The following ZNF469 variants were observed in gnomAD, a reference collection of about 807,000 sequenced individuals.
ZNF469 encodes zinc finger protein 469.
Under a neutral mutation model 1.0 loss-of-function variants are expected in ZNF469, and 1 was observed. That is an observed-to-expected ratio of 1.00 (90% CI 0.35 to 4.73). The LOEUF (loss-of-function observed/expected upper bound fraction) is 4.73, where lower values mean the gene tolerates loss of function less well. Ranked by LOEUF, ZNF469 falls within the 30% of genes most tolerant of loss-of-function variation. The pLI, the probability that ZNF469 is intolerant of heterozygous loss-of-function variation, is 0.16. For missense variants in ZNF469, 6,100 were observed against 5,356.3 expected, an observed-to-expected ratio of 1.14 and a Z score of -4.33; for synonymous variants, 2,703 against 2,363.4, an observed-to-expected ratio of 1.14 and a Z score of -4.17.
At chr16:88,371,851 A>G in the ZNF469 span, among the ~76,000 whole-genome samples, 1 of 151,986 alleles carries the variant, frequency 6.6e-6, no homozygotes, top group African/African-American at 2.4e-5. Flanking sequence ...CACCATCACC[A>G]TCATCACCAT....
the ZNF469 span, among the ~76,000 whole-genome samples, chr16:88,259,172 C>T: frequency 6.6e-5 from 10 of 152,140 alleles, no homozygotes; most frequent in African/African-American, 1.4e-4. The surrounding 1 kb of genome is among the most constrained non-coding windows in gnomAD (Gnocchi z 4.1). Context: ...GGAATGAGGC[C>T]GTGCGGCCAG....
At chr16:88,121,099 C>T in the ZNF469 span, among the ~76,000 whole-genome samples, 1 of 132,068 alleles carries the variant, frequency 7.6e-6, no homozygotes, top group African/African-American at 2.8e-5. Context: ...TGCTGTGTAC[C>T]ATGCACGGTG....
At chr16:88,105,057 A>G in the ZNF469 span, among the ~76,000 whole-genome samples, 2 of 152,146 alleles carry the variant, frequency 1.3e-5, no homozygotes, top group African/African-American at 2.4e-5. Context: ...CTCTACAAGA[A>G]ACAATTTTAA....
In ZNF469 at chr16:88,393,578, G is replaced by A. The variant is rs556068084; in HGVS notation, c.-192+10324G>A. 2.5e-3 allele frequency among the ~76,000 whole-genome samples: 385 copies of A among 152,348 alleles called. 4 individuals carry two copies. Among genetic ancestry groups the A allele is most frequent in the African/African-American group, 8.7e-3 (360 of 41,588 alleles). ...GGAGCCCATCGAGGAAAGAGCGGGAGTGGGTTCGCCCCAGTGCCGAGCTGC... is the reference window on the plus strand; with the variant it reads ...GGAGCCCATCGAGGAAAGAGCGGGAATGGGTTCGCCCCAGTGCCGAGCTGC... On this transcript the variant is annotated intron_variant, in intron 1 of 2. Transcript: ENST00000565624.
At chr16:88,131,778 C>T in the ZNF469 span, among the ~76,000 whole-genome samples, 2 of 152,220 alleles carry the variant, frequency 1.3e-5, no homozygotes, top group East Asian at 1.9e-4. Flanking sequence ...GGGTCAGGGA[C>T]GGGTTTGGCT....
the ZNF469 span, among the ~76,000 whole-genome samples, chr16:88,277,806 T>C: frequency 3.2e-3 from 80 of 24,914 alleles, 1 homozygote; most frequent in East Asian, 6.3e-3. Flanking sequence ...TAGTGCTGCG[T>C]CACACCGACG....
At chr16:88,117,607 G>GTGGAGGTGCCACGTGCCTTCGGGGACTA in the ZNF469 span, among the ~76,000 whole-genome samples, 5 of 148,816 alleles carry the variant, frequency 3.4e-5, no homozygotes, top group African/African-American at 1.0e-4. Context: ...TTCGGGGACC[G>GTGGAGGTGCCACGTGCCTTCGGGGACTA]TGGAGGTGCC....
In ZNF469 at chr16:88,429,969, C is replaced by T; in HGVS notation, c.2499C>T (p.Asp833=). 1 of 1,550,368 alleles carries T rather than the reference C, an allele frequency of 6.5e-7. No homozygotes were observed. Among genetic ancestry groups the T allele is most frequent in the Non-Finnish European group, 8.7e-7 (1 of 1,146,964 alleles). The change falls in exon 3 of 3, where the codon GAC becomes GAT. Residue 833 remains aspartate, a synonymous_variant. Transcript: ENST00000565624. ...TPFPLPASDL[D]MEDDAKLDSL... is the part of the protein sequence containing the mutation. Reference sequence around the variant, plus strand: ...TCCCGCTCCCTGCCTCGGACCTGGACATGGAGGATGACGCCAAGCTGGACA... The same window carrying T: ...TCCCGCTCCCTGCCTCGGACCTGGATATGGAGGATGACGCCAAGCTGGACA...
In ZNF469 at chr16:88,427,874, A is replaced by G. The variant is rs1269664446; in HGVS notation, c.404A>G (p.Glu135Gly). The G allele has an allele frequency of 5.8e-6, 9 of 1,549,636 alleles. No individual in the cohort carries two copies. Among genetic ancestry groups the G allele is most frequent in the Non-Finnish European group, 7.0e-6 (8 of 1,146,756 alleles). ...ASSRTKPTLD[E>G]TPENPQLEAA... Reference sequence around the variant, plus strand: ...TCGAGGACCAAGCCCACCCTGGACGAGACACCAGAGAACCCACAGCTGGAG... The same window carrying G: ...TCGAGGACCAAGCCCACCCTGGACGGGACACCAGAGAACCCACAGCTGGAG... The change falls in exon 3 of 3, where the codon GAG becomes GGG. Residue 135 changes from glutamate to glycine, a missense_variant. Transcript: ENST00000565624.
At chr16:88,370,115 C>G in the ZNF469 span, among the ~76,000 whole-genome samples, 1 of 152,206 alleles carries the variant, frequency 6.6e-6, no homozygotes, top group Admixed American at 6.5e-5. Flanking sequence ...TGTCTGTCTT[C>G]CCACTGTTCC....
chr16:88,381,962 A>G (rs573004614), upstream of ZNF469, among the ~76,000 whole-genome samples: 2 of 152,378 alleles, frequency 1.3e-5, no homozygotes, highest in South Asian at 2.1e-4. Flanking sequence ...AGGGTGTGCA[A>G]CTTGAACTTG....
chr16:88,115,216 C>T, the ZNF469 span, among the ~76,000 whole-genome samples: 1 of 152,174 alleles, frequency 6.6e-6, no homozygotes, highest in Non-Finnish European at 1.5e-5. Context: ...GCAGGAAGCA[C>T]ACCAAAAACA....
At chr16:88,242,407 C>G in the ZNF469 span, among the ~76,000 whole-genome samples, 1 of 152,178 alleles carries the variant, frequency 6.6e-6, no homozygotes, top group African/African-American at 2.4e-5. Context: ...CCTGGCTTGT[C>G]GAGGCCGCCT....
At chr16:88,121,762 A>G in the ZNF469 span, among the ~76,000 whole-genome samples, 1 of 152,252 alleles carries the variant, frequency 6.6e-6, no homozygotes, top group African/African-American at 2.4e-5. Context: ...GAGTTCTGAT[A>G]TAACTGTGCA....
the ZNF469 span, among the ~76,000 whole-genome samples, chr16:88,336,660 C>G: frequency 6.6e-6 from 1 of 152,128 alleles, no homozygotes; most frequent in South Asian, 2.1e-4. Context: ...CCATCCTTCA[C>G]GTGAGACACC....
At chr16:88,180,259 T>C in the ZNF469 span, among the ~76,000 whole-genome samples, 1 of 152,146 alleles carries the variant, frequency 6.6e-6, no homozygotes. Context: ...ATCCAGATTT[T>C]TAGGTTGGGT....
the ZNF469 span, among the ~76,000 whole-genome samples, chr16:88,164,700 A>G: frequency 1.8e-3 from 269 of 152,270 alleles, 3 homozygotes; most frequent in Middle Eastern, 6.8e-3. Flanking sequence ...AGTGGGGATC[A>G]CAGGGCTGGC....
chr16:88,112,290 G>A, the ZNF469 span, among the ~76,000 whole-genome samples: 1 of 152,176 alleles, frequency 6.6e-6, no homozygotes. Context: ...TTTCTTTTGG[G>A]TCTATACCAA....
chr16:88,348,639 AGG>A, the ZNF469 span, among the ~76,000 whole-genome samples: 1 of 152,276 alleles, frequency 6.6e-6, no homozygotes, highest in East Asian at 1.9e-4. Context: ...AGCACTGACC[AGG>A]GCCAGCCCAG....
Sources: gnomAD v4.1 joint callset for allele counts (sites outside exome capture counted in the v4.1 genomes callset) on GRCh38, gnomAD v4.1.1 for gene constraint, Gnocchi (gnomAD v3.1) non-coding constraint, MANE v1.5 for transcripts, NCBI Gene and HGNC (gene_info 2026-07-23, HGNC 2026-07-21) for gene names.